The following FNTB variants were observed in gnomAD, a reference collection of about 807,000 sequenced individuals.
FNTB encodes the protein farnesyltransferase, CAAX box, subunit beta, also known as protein farnesyltransferase subunit beta.
Under a neutral mutation model 59.4 loss-of-function variants are expected in FNTB, and 27 were observed. The observed-to-expected ratio is 0.45, with a 90% CI of 0.34 to 0.63. The LOEUF is 0.63. Among genes scored for constraint, FNTB ranks in the 20% least tolerant of loss-of-function variants. FNTB has a pLI of 0.02. For missense variants in FNTB, 449 were observed against 559.6 expected (o/e 0.80, Z 1.99); for synonymous variants, 230 against 220.7 (o/e 1.04, Z -0.37).
In FNTB at chr14:65,011,015, A is replaced by C. The variant is rs2061674915; in HGVS notation, c.210-1302A>C. 6.7e-6 allele frequency among the ~76,000 whole-genome samples: 1 copy of C among 149,690 alleles called. No homozygotes were observed. The highest frequency in any genetic ancestry group is 2.1e-4 in the South Asian group (1 of 4,786). The stretch of plus-strand genomic sequence containing the variant: ...TCCTGATCATTCCTTTCTTCATGAG[A>C]TATCCCCTCCCTTTTGAGCCTCAGT... On this transcript the variant is annotated intron_variant, in intron 2 of 11. Coordinates refer to ENST00000246166, the MANE Select transcript of FNTB (RefSeq NM_002028.4). The surrounding 1 kb of genome is among the most constrained non-coding windows in gnomAD (Gnocchi z 4.0).
At chr14:65,053,644 A>T (rs1276650084) in intron 10 of FNTB, among the ~76,000 whole-genome samples, 1 of 152,156 alleles carries the variant, frequency 6.6e-6, no homozygotes, top group East Asian at 1.9e-4. Flanking sequence ...ACAAAAAAAA[A>T]CTGATCTAAA....
At chr14:64,987,272 G>A in intron 1 of FNTB, 175 bp downstream of exon 1, 1 of 715,644 alleles carries the variant, frequency 1.4e-6, no homozygotes, top group Non-Finnish European at 2.3e-6. Context: ...GTCGTGGAGC[G>A]TTTGCGCGGC....
Position 65,021,397 on chromosome 14 carries a change from C to A in FNTB, c.374+5681C>A, listed in dbSNP as rs563489292. Among the ~76,000 whole-genome samples the A allele has an allele frequency of 3.5e-4, 53 of 152,274 alleles. 1 individual carries two copies. The highest frequency in any genetic ancestry group is 3.4e-3 in the Middle Eastern group (1 of 294). The stretch of plus-strand genomic sequence containing the variant: ...TTCCCTTTCAAAAGGTTGTTAGTAG[C>A]TTATCCCCGGAATAGCCCCTTAAAT... On this transcript the variant is annotated intron_variant, in intron 4 of 11. Transcript: ENST00000246166.
intron 1 of FNTB, among the ~76,000 whole-genome samples, chr14:64,999,353 G>A (rs1326992529): frequency 4.6e-5 from 7 of 152,178 alleles, no homozygotes; most frequent in African/African-American, 1.2e-4. Context: ...CAGGAGAATC[G>A]TTTGAACCTG....
chr14:65,059,391 T>C (rs1390999244), intron 11 of FNTB, among the ~76,000 whole-genome samples: 4 of 152,046 alleles, frequency 2.6e-5, no homozygotes, highest in Admixed American at 1.3e-4. Context: ...TGTTTCTTTG[T>C]AGGTTTGATA....
In FNTB at chr14:65,012,331, G is replaced by C; in HGVS notation, c.224G>C (p.Arg75Thr). 1 of 1,614,118 alleles carries C rather than the reference G, an allele frequency of 6.2e-7. No individual in the cohort carries two copies. Among genetic ancestry groups the C allele is most frequent in the Non-Finnish European group, 8.5e-7 (1 of 1,180,000 alleles). ...NHLVPRLVLQ[R>T]EKHFHYLKRG... is the part of the protein sequence containing the mutation. ...TGTCTTTCCAGGCTTGTTTTGCAGA[G>C]GGAGAAGCACTTCCATTATCTGAAA... The change falls in exon 3 of 12, where the codon AGG (arginine) becomes ACG (threonine). Residue 75 changes from arginine to threonine, a missense_variant. Transcript: ENST00000246166. This position sits in a 1 kb window ranked among gnomAD's most constrained non-coding sequence, Gnocchi z 5.0.
chr14:64,996,759 C>T (rs1194691323), intron 1 of FNTB, among the ~76,000 whole-genome samples: 3 of 140,716 alleles, frequency 2.1e-5, no homozygotes, highest in Admixed American at 7.3e-5. Flanking sequence ...TTAACATTTG[C>T]TAACATCTTT....
Position 65,031,480 on chromosome 14 carries a change from G to A in FNTB, c.606-1130G>A, listed in dbSNP as rs2062082149. 6.6e-6 allele frequency among the ~76,000 whole-genome samples: 1 copy of A among 151,938 alleles called. No homozygotes were observed. Among genetic ancestry groups the A allele is most frequent in the South Asian group, 2.1e-4 (1 of 4,820 alleles). On this transcript the variant is annotated intron_variant, in intron 6 of 11. Transcript: ENST00000246166. The surrounding 1 kb of genome is among the most constrained non-coding windows in gnomAD (Gnocchi z 4.6). ...CTACGGGCACACGCCACCATGCCCAGCTAATTTTTGTGTTTTTAGTGGAGA... is the reference window on the plus strand; with the variant it reads ...CTACGGGCACACGCCACCATGCCCAACTAATTTTTGTGTTTTTAGTGGAGA...
intron 1 of FNTB, among the ~76,000 whole-genome samples, chr14:65,000,815 CAAAAAAAAAAA>C (rs59420832): frequency 5.5e-5 from 2 of 36,460 alleles, no homozygotes; most frequent in Non-Finnish European, 1.2e-4. Context: ...GACTCCGTCT[CAAAAAAAAAAA>C]AAAAAAAAAA....
chr14:65,036,276 AC>A (rs2139603498), intron 7 of FNTB, among the ~76,000 whole-genome samples: 1 of 150,416 alleles, frequency 6.6e-6, no homozygotes, highest in Non-Finnish European at 1.5e-5. Context: ...TCACTTCGTC[AC>A]CCAGGCTGGA....
chr14:65,019,410 C>T (rs2061845552), intron 4 of FNTB, among the ~76,000 whole-genome samples: 1 of 151,968 alleles, frequency 6.6e-6, no homozygotes, highest in Admixed American at 6.6e-5. Context: ...TTGCTTGAAT[C>T]CGGGAGGCAG....
At position 65,032,806 on chromosome 14, in the gene FNTB, C is replaced by G. The variant is rs1207002419; in HGVS notation, c.692+110C>G. 5.8e-6 allele frequency: 6 copies of G among 1,026,922 alleles called. No individual in the cohort carries two copies. Among genetic ancestry groups the G allele is most frequent in the African/African-American group, 1.6e-5 (1 of 60,758 alleles). 63.6% of individuals were successfully genotyped at this position (1,026,922 alleles called of 1,614,324 possible). A position where few individuals can be genotyped will look rare whatever the true frequency, so the allele number is the denominator to read the frequency against. On this transcript the variant is annotated intron_variant, in intron 7 of 11. Coordinates refer to ENST00000246166, the MANE Select transcript of FNTB (RefSeq NM_002028.4). The surrounding 1 kb of genome is among the most constrained non-coding windows in gnomAD (Gnocchi z 5.0). ...GACTTGGAAGGAAATACAAAAATCA[C>G]AGGAGATCCATTAGGGTTATCTAAT...
chr14:65,035,692 G>C (rs1182369152), intron 7 of FNTB, among the ~76,000 whole-genome samples: 1 of 151,696 alleles, frequency 6.6e-6, no homozygotes, highest in African/African-American at 2.4e-5. Context: ...ACCATAACCA[G>C]CTAATGTTTA....
At chr14:65,000,715 G>T (rs1228207848) in intron 1 of FNTB, among the ~76,000 whole-genome samples, 4 of 150,714 alleles carry the variant, frequency 2.7e-5, no homozygotes, top group Non-Finnish European at 5.9e-5. Flanking sequence ...AGCTACTCGG[G>T]AGGCTGAGGC....
chr14:65,052,864 T>C (rs1321549938), intron 9 of FNTB, among the ~76,000 whole-genome samples: 1 of 152,174 alleles, frequency 6.6e-6, no homozygotes, highest in African/African-American at 2.4e-5. Flanking sequence ...GGAATGTCTC[T>C]TGAAGTCCAG....
Position 65,001,875 on chromosome 14 carries a change from G to A in FNTB, c.145-2374G>A, listed in dbSNP as rs1389062697. ...TCCCAAGTCGGATTCTCATGGTGAC[G>A]TCAGTCTGTTTTTTGAAGTATTATA... is the stretch of plus-strand genomic sequence containing the variant. On this transcript the variant is annotated intron_variant, in intron 1 of 11. Transcript: ENST00000246166. This position sits in a 1 kb window ranked among gnomAD's most constrained non-coding sequence, Gnocchi z 5.5. 1.3e-5 allele frequency among the ~76,000 whole-genome samples: 2 copies of A among 152,194 alleles called. No individual in the cohort carries two copies. Among genetic ancestry groups the A allele is most frequent in the African/African-American group, 2.4e-5 (1 of 41,446 alleles).
intron 11 of FNTB, among the ~76,000 whole-genome samples, chr14:65,058,981 T>G (rs1035490385): frequency 6.6e-6 from 1 of 152,198 alleles, no homozygotes; most frequent in Admixed American, 6.5e-5. Context: ...CATAGCCTCA[T>G]AAAATTAAAT....
intron 1 of FNTB, among the ~76,000 whole-genome samples, chr14:65,000,803 C>A (rs1834314233): frequency 1.2e-5 from 1 of 83,464 alleles, no homozygotes; most frequent in Non-Finnish European, 2.6e-5. Context: ...CTGGCAGAGC[C>A]AGACTCCGTC....
rs780744832 is a variant in FNTB at position 65,027,686 on chromosome 14, C to T, written c.522-12C>T. On this transcript the variant is annotated splice_polypyrimidine_tract_variant and intron_variant, in intron 5 of 11. Coordinates refer to ENST00000246166, the MANE Select transcript of FNTB (RefSeq NM_002028.4). This position sits in a 1 kb window ranked among gnomAD's most constrained non-coding sequence, Gnocchi z 5.7. ...GACTGTTGCCTCTCCTACCTCTTTC[C>T]CTGTTTCTCAGAGAGAAGCTTCTTC... 1 of 1,614,182 alleles carries T rather than the reference C, an allele frequency of 6.2e-7. No homozygotes were observed. The highest frequency in any genetic ancestry group is 1.1e-5 in the South Asian group (1 of 91,084).
Sources: gnomAD v4.1 joint callset for allele counts (sites outside exome capture counted in the v4.1 genomes callset) on GRCh38, gnomAD v4.1.1 for gene constraint, Gnocchi (gnomAD v3.1) non-coding constraint, MANE v1.5 for transcripts, NCBI Gene and HGNC (gene_info 2026-07-23, HGNC 2026-07-21) for gene names.